SEC14L5: variants seen among roughly 807,000 people sequenced by gnomAD.
SEC14L5 encodes the protein SEC14 like lipid binding 5, also known as SEC14-like protein 5.
A neutral mutation model predicts 84.6 loss-of-function variants in SEC14L5; 96 were observed. The ratio of observed to expected loss-of-function variants is 1.13; its 90% CI spans 0.96 to 1.34. The LOEUF is 1.34. SEC14L5 is among the 40% of genes most tolerant of loss of function. The pLI, the probability that SEC14L5 is intolerant of heterozygous loss-of-function variation, is 0.00. For missense variants in SEC14L5, 1,224 were observed against 942.5 expected, an observed-to-expected ratio of 1.30 and a Z score of -3.91; for synonymous variants, 546 against 383.4, an observed-to-expected ratio of 1.42 and a Z score of -4.95.
intron 2 of SEC14L5, among the ~76,000 whole-genome samples, chr16:4,980,771 G>A (rs1244091678): frequency 2.0e-5 from 3 of 152,132 alleles, no homozygotes; most frequent in Non-Finnish European, 4.4e-5. Flanking sequence ...GGGGAAGGGA[G>A]GGTGTCCCGG....
At chr16:4,999,303 T>A (rs1955649793) in intron 8 of SEC14L5, among the ~76,000 whole-genome samples, 1 of 152,134 alleles carries the variant, frequency 6.6e-6, no homozygotes, top group Non-Finnish European at 1.5e-5. Context: ...TGCATTCAAG[T>A]GTCCTTAAAC....
intron 9 of SEC14L5, 34 bp from the exon 10 acceptor site, chr16:5,000,821 G>T: frequency 6.3e-7 from 1 of 1,582,170 alleles, no homozygotes; most frequent in Non-Finnish European, 8.6e-7. Flanking sequence ...AAGCAGCGAG[G>T]CGGACGTTGA....
At chr16:4,982,924 G>T (rs1482501647) in intron 2 of SEC14L5, among the ~76,000 whole-genome samples, 4 of 151,886 alleles carry the variant, frequency 2.6e-5, no homozygotes, top group Non-Finnish European at 5.9e-5. Flanking sequence ...ATATTTACAT[G>T]AACATATACA....
At chr16:4,976,921 T>C (rs1795015279) in intron 2 of SEC14L5, among the ~76,000 whole-genome samples, 1 of 152,132 alleles carries the variant, frequency 6.6e-6, no homozygotes, top group Admixed American at 6.5e-5. Context: ...CAGCTGAGGC[T>C]CTTAGGCAGG....
intron 11 of SEC14L5, 101 bp from the exon 12 acceptor site, chr16:5,005,813 A>G (rs1037439932): frequency 2.5e-6 from 3 of 1,202,024 alleles, no homozygotes; most frequent in Non-Finnish European, 3.4e-6. Context: ...GCAGTGAGCC[A>G]AGATCATGCC....
At chr16:5,004,854 CA>C (rs1006401757) in intron 11 of SEC14L5, among the ~76,000 whole-genome samples, 182 of 152,260 alleles carry the variant, frequency 1.2e-3, no homozygotes, top group African/African-American at 4.2e-3. Flanking sequence ...CTGGAATAAA[CA>C]AACTGTGGAA....
At chr16:4,976,143 G>A (rs1484602009) in intron 2 of SEC14L5, among the ~76,000 whole-genome samples, 2 of 152,138 alleles carry the variant, frequency 1.3e-5, no homozygotes, top group Non-Finnish European at 2.9e-5. Flanking sequence ...CATGTGCCAG[G>A]CACTGCTCTA....
Position 4,990,082 on chromosome 16 carries a change from T to A in SEC14L5, c.346-685T>A, listed in dbSNP as rs1955536544. On this transcript the variant is annotated intron_variant, in intron 4 of 15. Coordinates refer to ENST00000251170, the MANE Select transcript of SEC14L5 (RefSeq NM_014692.2). ...ATAATATACAACTATTTAAAAAATC[T>A]ATATCTAAATTTTATGTGTAATATT... 2.0e-5 allele frequency among the ~76,000 whole-genome samples: 3 copies of A among 151,600 alleles called. 1 individual carries two copies. In the South Asian group the frequency reaches 6.2e-4, roughly 31 times the overall value.
In SEC14L5 at chr16:4,990,762, T is replaced by G; in HGVS notation, c.346-5T>G. On this transcript the variant is annotated splice_region_variant and splice_polypyrimidine_tract_variant and intron_variant, in intron 4 of 15. Coordinates refer to ENST00000251170, the MANE Select transcript of SEC14L5 (RefSeq NM_014692.2). ...TCCCTGGCATGACCCCTGCCTGGCT[T>G]TCAGGTCCACCCTGAGAATGAAGAC... The G allele has an allele frequency of 6.2e-7, 1 of 1,605,364 alleles. No individual in the cohort carries two copies. Among genetic ancestry groups the G allele is most frequent in the South Asian group, 1.1e-5 (1 of 89,930 alleles).
intron 2 of SEC14L5, among the ~76,000 whole-genome samples, chr16:4,966,925 G>A (rs1955207314): frequency 6.6e-6 from 1 of 152,188 alleles, no homozygotes; most frequent in Non-Finnish European, 1.5e-5. Flanking sequence ...CCTGGCCCCT[G>A]GCACACCGGC....
At chr16:4,960,887 A>C (rs913837662) in intron 2 of SEC14L5, 1 of 152,248 alleles carries the variant, frequency 6.6e-6, no homozygotes, top group African/African-American at 2.4e-5. Flanking sequence ...GTGGAACACC[A>C]GGGGATGGTG....
intron 4 of SEC14L5, among the ~76,000 whole-genome samples, chr16:4,989,576 G>A (rs983448268): frequency 5.9e-5 from 9 of 151,984 alleles, no homozygotes; most frequent in African/African-American, 2.2e-4. Context: ...CAAACTCCTG[G>A]CTTCAAGTGA....
In SEC14L5 at chr16:4,984,179, C is replaced by G. The variant is rs946333165; in HGVS notation, c.64-3378C>G. Among the ~76,000 whole-genome samples, 35 of 152,114 alleles carry G rather than the reference C, an allele frequency of 2.3e-4. 1 individual carries two copies. The highest frequency in any genetic ancestry group is 8.5e-4 in the African/African-American group (35 of 41,412). ...TGCCTTAACCCTCATCCCTCAACACCCCCACCATCTCTTTCCTCACCACTC... is the reference window on the plus strand; with the variant it reads ...TGCCTTAACCCTCATCCCTCAACACGCCCACCATCTCTTTCCTCACCACTC... On this transcript the variant is annotated intron_variant, in intron 2 of 15. Transcript: ENST00000251170.
intron 2 of SEC14L5, among the ~76,000 whole-genome samples, chr16:4,981,049 T>C (rs1245024807): frequency 6.6e-6 from 1 of 151,012 alleles, no homozygotes; most frequent in East Asian, 2.0e-4. Flanking sequence ...GCAGGGCAGA[T>C]CACACAGGGC....
intron 2 of SEC14L5, among the ~76,000 whole-genome samples, chr16:4,967,965 C>T (rs530748194): frequency 0.015 from 1,883 of 128,014 alleles, 24 homozygotes; most frequent in Middle Eastern, 0.024. Context: ...CTCCCCCTTC[C>T]CCTCCCTTCC....
At chr16:4,990,946 T>C (rs992418582) in intron 5 of SEC14L5, 51 bp downstream of exon 5, 1 of 1,459,902 alleles carries the variant, frequency 6.8e-7, no homozygotes, top group Non-Finnish European at 9.2e-7. Flanking sequence ...ACACCTGCTC[T>C]GCCATCAACA....
At chr16:5,014,828 G>A (rs1391769416) in intron 15 of SEC14L5, 31 bp from the exon 16 acceptor site, 4 of 1,546,138 alleles carry the variant, frequency 2.6e-6, no homozygotes, top group East Asian at 2.2e-5. Flanking sequence ...CACTGTGAGA[G>A]GGTAACGTGT....
At chr16:5,002,624 A>G (rs1306311305) in intron 10 of SEC14L5, among the ~76,000 whole-genome samples, 5 of 152,186 alleles carry the variant, frequency 3.3e-5, no homozygotes, top group African/African-American at 1.2e-4. Flanking sequence ...AGGGAGTGTC[A>G]TGAAGGGATG....
At chr16:4,995,555 A>G (rs1955599615) in intron 6 of SEC14L5, among the ~76,000 whole-genome samples, 1 of 151,890 alleles carries the variant, frequency 6.6e-6, no homozygotes, top group Admixed American at 6.6e-5. Flanking sequence ...TGCTGGGTGC[A>G]CAACATGCAT....
Sources: gnomAD v4.1 joint callset for allele counts (sites outside exome capture counted in the v4.1 genomes callset) on GRCh38, gnomAD v4.1.1 for gene constraint, MANE v1.5 for transcripts, NCBI Gene and HGNC (gene_info 2026-07-23, HGNC 2026-07-21) for gene names.